Variants in GTF2IRD1 observed in about 807,000 individuals in gnomAD.
GTF2IRD1 encodes the protein GTF2I repeat domain containing 1.
Under a neutral mutation model 113.2 loss-of-function variants are expected in GTF2IRD1, and 26 were observed. The ratio of observed to expected loss-of-function variants is 0.23; its 90% CI spans 0.17 to 0.32. The LOEUF is 0.32. Among genes scored for constraint, GTF2IRD1 ranks in the 10% least tolerant of loss-of-function variants. The probability of loss-of-function intolerance (pLI) is 1.00; values close to 1 mark genes in which losing one functional copy is unlikely to be tolerated. For synonymous variants in GTF2IRD1, 484 were observed against 529.1 expected, an observed-to-expected ratio of 0.91 and a Z score of 1.17; for missense variants, 864 against 1,280.8, an observed-to-expected ratio of 0.67 and a Z score of 4.97.
rs548430821 is a variant in GTF2IRD1, at chr7:74,488,038, T to G, written c.-6-20037T>G. On this transcript the variant is annotated intron_variant, in intron 1 of 26. Transcript: ENST00000424337. ...GGCTCACACTCATAATCTAGCACTT[T>G]GGGAGCCCAAGGTGAGAAGATCACT... Among the ~76,000 whole-genome samples the G allele has an allele frequency of 1.3e-4, 20 of 152,276 alleles. No individual in the cohort carries two copies. In the South Asian group the frequency reaches 3.9e-3, roughly 30 times the overall value.
intron 1 of GTF2IRD1, chr7:74,507,811 G>A (rs1297381465): frequency 4.9e-6 from 2 of 409,560 alleles, no homozygotes; most frequent in African/African-American, 4.1e-5. Flanking sequence ...CTGTCCAACA[G>A]ACTGGTCCTG....
chr7:74,457,068 G>A (rs930224521), intron 1 of GTF2IRD1, among the ~76,000 whole-genome samples: 1 of 151,582 alleles, frequency 6.6e-6, no homozygotes, highest in East Asian at 1.9e-4. Context: ...ACAGCTCACT[G>A]CAGCCTCGAA....
At chr7:74,516,227 C>T (rs1205401719) in intron 4 of GTF2IRD1, among the ~76,000 whole-genome samples, 1 of 152,244 alleles carries the variant, frequency 6.6e-6, no homozygotes, top group Admixed American at 6.5e-5. Flanking sequence ...CCTGGAAGCC[C>T]CCTCACAGTG....
In GTF2IRD1 at chr7:74,524,167, C is replaced by T. The variant is rs782177672; in HGVS notation, c.1090+13C>T. 8.2e-6 allele frequency: 13 copies of T among 1,579,796 alleles called. No homozygotes were observed. The African/African-American group carries it at 1.1e-4, about 13-fold the overall frequency. On this transcript the variant is annotated intron_variant, in intron 8 of 26. Transcript: ENST00000424337. ...AACAGCAGATATGGTGAGTGGGCGG[C>T]GCGGCCCGCCGTGTGGCCCCAGCAG...
intron 14 of GTF2IRD1, 98 bp downstream of exon 14, chr7:74,540,066 TCAGC>T: frequency 2.4e-6 from 2 of 838,670 alleles, no homozygotes; most frequent in Non-Finnish European, 4.0e-6. Flanking sequence ...TTTCTTGGTG[TCAGC>T]CGTCTGTAGT....
Position 74,502,172 on chromosome 7 carries a change from C to T in GTF2IRD1, c.-6-5903C>T, listed in dbSNP as rs150544288. On this transcript the variant is annotated intron_variant, in intron 1 of 26. Coordinates refer to ENST00000424337, the MANE Select transcript of GTF2IRD1 (RefSeq NM_005685.4). ...CAGGCTGGTCTTGAACTTCTGGCCTCAAGCCATCCTCCCACCTTGGCCTCC... is the reference window on the plus strand; with the variant it reads ...CAGGCTGGTCTTGAACTTCTGGCCTTAAGCCATCCTCCCACCTTGGCCTCC... 9.4e-4 allele frequency among the ~76,000 whole-genome samples: 143 copies of T among 152,312 alleles called. No homozygotes were observed. The East Asian group carries it at 0.012, about 12-fold the overall frequency.
chr7:74,456,985 C>CTCTTTTTTTTCTTTTTT (rs1793028478), intron 1 of GTF2IRD1, among the ~76,000 whole-genome samples: 1 of 152,034 alleles, frequency 6.6e-6, no homozygotes, highest in African/African-American at 2.4e-5. Flanking sequence ...ATGATGTCCT[C>CTCTTTTTTTTCTTTTTT]TCTTTTTTTT....
Position 74,529,783 on chromosome 7 carries a change from T to C in GTF2IRD1, c.1140T>C (p.Ile380=). 1 of 1,614,098 alleles carries C rather than the reference T, an allele frequency of 6.2e-7. No individual in the cohort carries two copies. The highest frequency in any genetic ancestry group is 8.5e-7 in the Non-Finnish European group (1 of 1,179,994). ...TGGTCCCCGTGCCCTACCGGAAGAT[T>C]GCCTGTGACCCGGAGGCTGTGGAGA... ...DHMVPVPYRK[I]ACDPEAVEIV... Residue 380 remains isoleucine (I), a synonymous_variant, in exon 9 of 27, where the codon ATT becomes ATC. Transcript: ENST00000424337.
At chr7:74,454,801 G>A (rs548417440) in intron 1 of GTF2IRD1, among the ~76,000 whole-genome samples, 2 of 152,288 alleles carry the variant, frequency 1.3e-5, no homozygotes, top group African/African-American at 4.8e-5. Flanking sequence ...ACCACAAAGG[G>A]TTCAGAGGAG....
intron 14 of GTF2IRD1, among the ~76,000 whole-genome samples, chr7:74,540,526 T>C (rs1554351416): frequency 6.6e-6 from 1 of 151,986 alleles, no homozygotes; most frequent in East Asian, 1.9e-4. Context: ...ATCCAACAAC[T>C]ATTTATTGAG....
intron 22 of GTF2IRD1, among the ~76,000 whole-genome samples, chr7:74,568,417 G>A (rs1251338581): frequency 6.6e-6 from 1 of 151,666 alleles, no homozygotes; most frequent in Non-Finnish European, 1.5e-5. Context: ...GGGAGGCCCA[G>A]GCGGGCAGAT....
At chr7:74,507,226 C>T (rs1554341324) in intron 1 of GTF2IRD1, 2 of 152,154 alleles carry the variant, frequency 1.3e-5, no homozygotes, top group Non-Finnish European at 2.9e-5. Flanking sequence ...GTATTTCCAA[C>T]ACTTTGGGAG....
At chr7:74,460,031 A>G (rs112070305) in intron 1 of GTF2IRD1, among the ~76,000 whole-genome samples, 1,550 of 151,748 alleles carry the variant, frequency 0.01, 23 homozygotes, top group African/African-American at 0.034. Flanking sequence ...GCTGGAGTGC[A>G]GTGGCACAAT....
intron 19 of GTF2IRD1, among the ~76,000 whole-genome samples, chr7:74,556,414 G>A (rs1352043912): frequency 1.3e-5 from 2 of 151,016 alleles, no homozygotes; most frequent in African/African-American, 2.4e-5. Context: ...TCCGCTTCCC[G>A]GGTTCAAGCA....
At chr7:74,461,065 G>T (rs569536047) in intron 1 of GTF2IRD1, among the ~76,000 whole-genome samples, 1 of 152,326 alleles carries the variant, frequency 6.6e-6, no homozygotes, top group East Asian at 1.9e-4. Context: ...AAGGGAGATG[G>T]CTCTCCCCAA....
At chr7:74,549,852 A>G (rs1217783730) in intron 17 of GTF2IRD1, among the ~76,000 whole-genome samples, 1 of 152,168 alleles carries the variant, frequency 6.6e-6, no homozygotes, top group Non-Finnish European at 1.5e-5. Context: ...TCTGACCACT[A>G]TGGAGAAACC....
intron 1 of GTF2IRD1, among the ~76,000 whole-genome samples, chr7:74,481,207 T>C (rs977802132): frequency 6.6e-6 from 1 of 152,222 alleles, no homozygotes; most frequent in Non-Finnish European, 1.5e-5. Flanking sequence ...CAGGCTGGAG[T>C]GCAGTGGCGC....
chr7:74,458,380 C>T (rs1222564778), intron 1 of GTF2IRD1, among the ~76,000 whole-genome samples: 15 of 152,226 alleles, frequency 9.9e-5, no homozygotes, highest in Non-Finnish European at 2.9e-5. Flanking sequence ...GGGTAACAGT[C>T]TCCAAGGTGT....
chr7:74,518,039 G>A, intron 4 of GTF2IRD1, 100 bp from the exon 5 acceptor site: 1 of 755,982 alleles, frequency 1.3e-6, no homozygotes, highest in Non-Finnish European at 2.0e-6. Context: ...CGCACCAAGG[G>A]GAGCCACTCA....
Sources: allele counts gnomAD v4.1 joint callset (sites outside exome capture counted in the v4.1 genomes callset), GRCh38; gene constraint gnomAD v4.1.1; transcripts MANE v1.5; gene names NCBI Gene and HGNC (gene_info 2026-07-23, HGNC 2026-07-21).